The following TENT5C variants were observed in gnomAD, a reference collection of about 807,000 sequenced individuals.
TENT5C encodes terminal nucleotidyltransferase 5C.
Under a neutral mutation model 22.2 loss-of-function variants are expected in TENT5C, and 5 were observed. The ratio of observed to expected loss-of-function variants is 0.22; its 90% CI spans 0.12 to 0.47. The LOEUF (loss-of-function observed/expected upper bound fraction) is 0.47, where lower values mean the gene tolerates loss of function less well. Among genes scored for constraint, TENT5C ranks in the 20% least tolerant of loss-of-function variants. TENT5C has a pLI of 0.99. For missense variants in TENT5C, 364 were observed against 500.9 expected, an observed-to-expected ratio of 0.73 and a Z score of 2.61; for synonymous variants, 199 against 195.4, an observed-to-expected ratio of 1.02 and a Z score of -0.15.
At chr1:117,608,078 T>TA (rs2101071422) in intron 1 of TENT5C, among the ~76,000 whole-genome samples, 1 of 131,982 alleles carries the variant, frequency 7.6e-6, no homozygotes, top group South Asian at 2.6e-4. Flanking sequence ...ATAACAAAGT[T>TA]TAAAAAAAAA....
At position 117,624,000 on chromosome 1, in the gene TENT5C, G is replaced by C; in HGVS notation, c.1132G>C (p.Val378Leu). ...CAACTACTACGTTGCCCATCCTCCA[G>C]TCACCTACAGCCAGCCTTACCCTAC... ...FSNYYVAHPP[V>L]TYSQPYPTWL... The change falls in exon 2 of 2, where the codon GTC becomes CTC. Residue 378 changes from valine (V) to leucine (L), a missense_variant. Around this residue, in one of 3 missense-constraint regions of TENT5C, gnomAD observed 54 missense variants for 76.5 expected, o/e 0.71. Transcript: ENST00000369448. The C allele has an allele frequency of 6.2e-7, 1 of 1,613,898 alleles. No homozygotes were observed. The highest frequency in any genetic ancestry group is 2.2e-5 in the East Asian group (1 of 44,858).
At chr1:117,610,703 AT>A (rs1653652203) in intron 1 of TENT5C, among the ~76,000 whole-genome samples, 2 of 151,956 alleles carry the variant, frequency 1.3e-5, no homozygotes, top group Non-Finnish European at 2.9e-5. Flanking sequence ...AATTTTTTGT[AT>A]TTTTAGTAGA....
In TENT5C at chr1:117,626,576, T is replaced by A. The variant is rs1654018029; in HGVS notation, c.*2532T>A. On this transcript the variant is annotated 3_prime_UTR_variant, in exon 2 of 2. Transcript: ENST00000369448. ...TATGAGCCTTTTGCCAGCCTCAGAATAGGCGAGGTAACCTTGAATTTCAGG... is the reference window on the plus strand; with the variant it reads ...TATGAGCCTTTTGCCAGCCTCAGAAAAGGCGAGGTAACCTTGAATTTCAGG... 4.0e-6 allele frequency: 1 copy of A among 248,126 alleles called. No individual in the cohort carries two copies. The highest frequency in any genetic ancestry group is 8.5e-6 in the Non-Finnish European group (1 of 118,096). The allele number at this position is 248,126 out of a possible 1,614,324, so 15.4% of individuals were successfully genotyped here.
chr1:117,618,803 A>G (rs768743085), intron 1 of TENT5C, among the ~76,000 whole-genome samples: 3 of 152,226 alleles, frequency 2.0e-5, no homozygotes, highest in Non-Finnish European at 4.4e-5. Flanking sequence ...AGTATTTGGT[A>G]CAGACTAAAA....
chr1:117,622,523 G>T (rs1316119730), intron 1 of TENT5C, among the ~76,000 whole-genome samples: 2 of 152,118 alleles, frequency 1.3e-5, no homozygotes, highest in African/African-American at 4.8e-5. Flanking sequence ...GTCCTATATG[G>T]TTTGCTCACA....
intron 1 of TENT5C, among the ~76,000 whole-genome samples, chr1:117,607,613 G>C (rs772541511): frequency 6.6e-6 from 1 of 152,170 alleles, no homozygotes; most frequent in African/African-American, 2.4e-5. Flanking sequence ...GAGGGTGACC[G>C]TTGTTGGCGA....
intron 1 of TENT5C, among the ~76,000 whole-genome samples, chr1:117,614,626 C>T (rs1030609681): frequency 1.3e-5 from 2 of 152,122 alleles, no homozygotes; most frequent in African/African-American, 2.4e-5. Context: ...AGAAGGTTGC[C>T]GTCTCGACTG....
rs547024293 is a variant in TENT5C, at chr1:117,619,007, A to C, written c.-27-3835A>C. On this transcript the variant is annotated intron_variant, in intron 1 of 1. Coordinates refer to ENST00000369448, the MANE Select transcript of TENT5C (RefSeq NM_017709.4). ...TGTTGAAAACAAACCCTGAATGCTCAAATCTGTAGGAACAACTGCATGCGT... is the reference window on the plus strand; with the variant it reads ...TGTTGAAAACAAACCCTGAATGCTCCAATCTGTAGGAACAACTGCATGCGT... 1.5e-4 allele frequency among the ~76,000 whole-genome samples: 23 copies of C among 152,356 alleles called. 1 individual carries two copies. In the East Asian group the frequency reaches 4.2e-3, roughly 28 times the overall value.
chr1:117,619,859 G>C (rs1338013112), intron 1 of TENT5C, among the ~76,000 whole-genome samples: 1 of 151,814 alleles, frequency 6.6e-6, no homozygotes, highest in Admixed American at 6.6e-5. Context: ...AAAAAATTTT[G>C]TTCCATTGAT....
At chr1:117,617,814 T>C (rs1429044280) in intron 1 of TENT5C, among the ~76,000 whole-genome samples, 1 of 152,240 alleles carries the variant, frequency 6.6e-6, no homozygotes, top group Non-Finnish European at 1.5e-5. Flanking sequence ...ATGTGTTACC[T>C]AAACACTGAG....
In TENT5C at chr1:117,624,217, C is replaced by A; in HGVS notation, c.*173C>A. 1 of 605,626 alleles carries A rather than the reference C, an allele frequency of 1.7e-6. No homozygotes were observed. The highest frequency in any genetic ancestry group is 2.9e-6 in the Non-Finnish European group (1 of 349,272). The allele number at this position is 605,626 out of a possible 1,614,324, so 37.5% of individuals were successfully genotyped here. On this transcript the variant is annotated 3_prime_UTR_variant, in exon 2 of 2. Transcript: ENST00000369448. Reference sequence around the variant, plus strand: ...CCATTGGAATGGGTCTACAGTGTATCATGAGCCAACCCTCAAAGGACCCGT... The same window carrying A: ...CCATTGGAATGGGTCTACAGTGTATAATGAGCCAACCCTCAAAGGACCCGT...
chr1:117,606,323 C>G (rs1490331511), intron 1 of TENT5C, among the ~76,000 whole-genome samples, 170 bp downstream of exon 1: 1 of 151,814 alleles, frequency 6.6e-6, no homozygotes, highest in Non-Finnish European at 1.5e-5. Flanking sequence ...TGCCGAGACC[C>G]GGTGCTCCTT....
chr1:117,621,998 C>T (rs931831857), intron 1 of TENT5C, among the ~76,000 whole-genome samples: 1 of 152,274 alleles, frequency 6.6e-6, no homozygotes, highest in African/African-American at 2.4e-5. Flanking sequence ...CTATTGTTTT[C>T]CAAGTACACT....
chr1:117,607,228 C>CT, intron 1 of TENT5C, among the ~76,000 whole-genome samples: 1 of 152,320 alleles, frequency 6.6e-6, no homozygotes, highest in South Asian at 2.1e-4. Flanking sequence ...GGAGAACCCA[C>CT]TATTAGGGCT....
Position 117,623,111 on chromosome 1 carries a change from C to T in TENT5C, c.243C>T (p.Val81=), listed in dbSNP as rs1653934910. ...LNGSAAGHVL[V]KDNGLGCKDL... Reference sequence around the variant, plus strand: ...GCTCCGCAGCTGGCCACGTTTTGGTCAAAGACAATGGCTTGGGCTGCAAAG... The same window carrying T: ...GCTCCGCAGCTGGCCACGTTTTGGTTAAAGACAATGGCTTGGGCTGCAAAG... Residue 81 remains valine, a synonymous_variant, in exon 2 of 2, where the codon GTC becomes GTT. Coordinates refer to ENST00000369448, the MANE Select transcript of TENT5C (RefSeq NM_017709.4). 6.2e-7 allele frequency: 1 copy of T among 1,614,204 alleles called. No individual in the cohort carries two copies. The highest frequency in any genetic ancestry group is 1.3e-5 in the African/African-American group (1 of 75,046).
chr1:117,608,374 T>C (rs1176583740), intron 1 of TENT5C, among the ~76,000 whole-genome samples: 2 of 152,102 alleles, frequency 1.3e-5, no homozygotes, highest in Admixed American at 1.3e-4. Flanking sequence ...ATCTCCCGAG[T>C]TCCAGAGGCC....
At position 117,623,260 on chromosome 1, in the gene TENT5C, C is replaced by T. The variant is rs774747996; in HGVS notation, c.392C>T (p.Pro131Leu). The change falls in exon 2 of 2, where the codon CCA becomes CTA. Residue 131 changes from proline (P) to leucine (L), a missense_variant. Pro to Leu is a moderately conservative substitution (Grantham distance 98). Coordinates refer to ENST00000369448, the MANE Select transcript of TENT5C (RefSeq NM_017709.4). ...GGTGTGAACAAGCTCAAAATCAGTC[C>T]AGTCACTCTGAAGGAGGCATATGTG... ...PEGVNKLKIS[P>L]VTLKEAYVQK... The T allele has an allele frequency of 5.6e-6, 9 of 1,614,136 alleles. No homozygotes were observed. The highest frequency in any genetic ancestry group is 1.1e-5 in the South Asian group (1 of 91,072).
rs773496649 is a variant in TENT5C, at chr1:117,623,500, T to C, written c.632T>C (p.Ile211Thr). The change falls in exon 2 of 2, where the codon ATT becomes ACT. Residue 211 changes from isoleucine (I) to threonine (T), a missense_variant. Coordinates refer to ENST00000369448, the MANE Select transcript of TENT5C (RefSeq NM_017709.4). ...PISEHFHPTV[I>T]GESMYGDFEE... Reference sequence around the variant, plus strand: ...TCTGAGCACTTCCACCCCACCGTGATTGGGGAGAGCATGTACGGGGACTTT... The same window carrying C: ...TCTGAGCACTTCCACCCCACCGTGACTGGGGAGAGCATGTACGGGGACTTT... 10 of 1,613,698 alleles carry C rather than the reference T, an allele frequency of 6.2e-6. No individual in the cohort carries two copies. Among genetic ancestry groups the C allele is most frequent in the East Asian group, 4.5e-5 (2 of 44,856 alleles).
chr1:117,619,605 A>G (rs2576569), intron 1 of TENT5C, among the ~76,000 whole-genome samples: 16,676 of 152,090 alleles, frequency 0.11, 1,311 homozygotes, highest in African/African-American at 0.22. Flanking sequence ...AAAACTACCC[A>G]CTCTGTATAA....
Sources: gnomAD v4.1 joint callset for allele counts (sites outside exome capture counted in the v4.1 genomes callset) on GRCh38, gnomAD v4.1.1 for gene constraint, gnomAD v4.1.1 regional missense constraint, MANE v1.5 for transcripts, NCBI Gene and HGNC (gene_info 2026-07-23, HGNC 2026-07-21) for gene names.